PFKFB2: variants seen among roughly 807,000 people sequenced by gnomAD.
PFKFB2 encodes the protein 6-phosphofructo-2-kinase/fructose-2,6-bisphosphatase 2.
A neutral mutation model predicts 68.0 loss-of-function variants in PFKFB2; 53 were observed. The observed-to-expected ratio is 0.78, with a 90% CI of 0.63 to 0.98. The LOEUF is 0.98. PFKFB2 is among the 50% of genes least tolerant of loss of function. PFKFB2 has a pLI of 0.00. For synonymous variants in PFKFB2, 222 were observed against 227.6 expected, an observed-to-expected ratio of 0.98 and a Z score of 0.22; for missense variants, 451 against 642.0, an observed-to-expected ratio of 0.70 and a Z score of 3.22.
rs1360914842 is a variant in PFKFB2 at position 207,068,195 on chromosome 1, A to T, written c.873A>T (p.Glu291Asp). 1.9e-6 allele frequency: 3 copies of T among 1,610,670 alleles called. No individual in the cohort carries two copies. Among genetic ancestry groups the T allele is most frequent in the African/African-American group, 1.3e-5 (1 of 74,508 alleles). The stretch of plus-strand genomic sequence containing the variant: ...AAGCTCTAAGGAAATTTCTGGAGGA[A>T]CAGGAAATAACAGACCTCAAAGTGT... ...FAQALRKFLEEQEITDLKVWT... is the reference protein window; with the variant it reads ...FAQALRKFLEDQEITDLKVWT... The change falls in exon 10 of 15, where the codon GAA (glutamate) becomes GAT (aspartate). Residue 291 changes from glutamate (E) to aspartate (D), a missense_variant. By Grantham distance (45) the Glu-to-Asp change is conservative (BLOSUM62 2). Coordinates refer to ENST00000367080, the MANE Select transcript of PFKFB2 (RefSeq NM_006212.2).
intron 1 of PFKFB2, among the ~76,000 whole-genome samples, chr1:207,041,392 C>T (rs1682478472): frequency 6.6e-6 from 1 of 152,056 alleles, no homozygotes; most frequent in African/African-American, 2.4e-5. Context: ...TTACACCCCA[C>T]CCCACTGACA....
In PFKFB2 at chr1:207,034,564, GAC is replaced by G. The variant is rs1280762865; in HGVS notation, c.-62+96_-62+97del. ...TAGGCAACAGTCTTATTTGTGAACA[GAC>G]ACAGTTTTTCAGTTATAATAAAATT... On this transcript the variant is annotated intron_variant, in intron 1 of 5. Coordinates refer to the PFKFB2 transcript ENST00000545806. The G allele has an allele frequency of 2.0e-5, 3 of 152,202 alleles. No individual in the cohort carries two copies. In the East Asian group the frequency reaches 5.8e-4, roughly 29 times the overall value. The allele number at this position is 152,202 out of a possible 1,614,324, so 9.4% of individuals were successfully genotyped here.
chr1:207,064,189 G>C (rs1683213574), intron 7 of PFKFB2, among the ~76,000 whole-genome samples: 1 of 152,102 alleles, frequency 6.6e-6, no homozygotes, highest in Non-Finnish European at 1.5e-5. Flanking sequence ...GCTCATGCTT[G>C]TAGGCTCAGC....
intron 2 of PFKFB2, among the ~76,000 whole-genome samples, chr1:207,042,549 C>CAAAAAAAAAAAAAAAAAAAAAAAAAAA (rs57077682): frequency 1.3e-4 from 6 of 44,714 alleles, no homozygotes; most frequent in Admixed American, 3.0e-4. Context: ...CTCTGTCTCA[C>CAAAAAAAAAAAAAAAAAAAAAAAAAAA]AAAAAAAAAA....
At chr1:207,061,165 T>TTTTATATA (rs1398113062) in intron 2 of PFKFB2, among the ~76,000 whole-genome samples, 2 of 45,184 alleles carry the variant, frequency 4.4e-5, no homozygotes, top group Non-Finnish European at 8.3e-5. Context: ...ATATATATCT[T>TTTTATATA]TATATATATA....
rs1683442671 is a variant in PFKFB2 at position 207,070,796 on chromosome 1, T to C, written c.1222+387T>C. On this transcript the variant is annotated intron_variant, in intron 12 of 14. Coordinates refer to ENST00000367080, the MANE Select transcript of PFKFB2 (RefSeq NM_006212.2). The surrounding 1 kb of genome is among the most constrained non-coding windows in gnomAD (Gnocchi z 4.2). ...GCAGTAAGAAGGTGCCGTTGCCTTC[T>C]TCCATACTTCGCTTCCCGATCTTCG... The C allele has an allele frequency of 3.6e-6, 1 of 279,506 alleles. No homozygotes were observed. The highest frequency in any genetic ancestry group is 4.1e-5 in the South Asian group (1 of 24,346). 17.3% of individuals were successfully genotyped at this position (279,506 alleles called of 1,614,324 possible). A position where few individuals can be genotyped will look rare whatever the true frequency, so the allele number is the denominator to read the frequency against.
At chr1:207,045,146 G>A (rs1682568118) in intron 2 of PFKFB2, 1 of 152,358 alleles carries the variant, frequency 6.6e-6, no homozygotes, top group African/African-American at 2.4e-5. Context: ...TAAGGCCTCT[G>A]ACTCAAAAAT....
chr1:207,066,815 G>A (rs143803309), intron 8 of PFKFB2, among the ~76,000 whole-genome samples: 2,176 of 151,996 alleles, frequency 0.014, 44 homozygotes, highest in African/African-American at 0.05. Flanking sequence ...CACCACGCCC[G>A]GCTAATTTTT....
At chr1:207,071,595 A>G (rs1683467215) in intron 14 of PFKFB2, 22 bp downstream of exon 14, 1 of 1,584,578 alleles carries the variant, frequency 6.3e-7, no homozygotes, top group Non-Finnish European at 8.7e-7. Flanking sequence ...CCCACGATGA[A>G]CACACCAGTT....
upstream of PFKFB2, chr1:207,049,610 C>T: frequency 3.7e-6 from 6 of 1,614,182 alleles, no homozygotes; most frequent in Non-Finnish European, 3.4e-6. Context: ...GCTGGGACCA[C>T]GGTTCTGGTA....
At chr1:207,052,422 G>C (rs940668910), upstream of PFKFB2, 2 of 516,642 alleles carry the variant, frequency 3.9e-6, no homozygotes, top group African/African-American at 3.9e-5. Context: ...AGCACTTTGG[G>C]AGGCCGAGGC....
upstream of PFKFB2, chr1:207,048,889 A>G (rs1436899693): frequency 1.2e-6 from 1 of 810,404 alleles, no homozygotes; most frequent in Non-Finnish European, 2.0e-6. Context: ...TCAGTGTCTT[A>G]GTGGTTTTAA....
chr1:207,038,534 C>T (rs189953197), intron 1 of PFKFB2, among the ~76,000 whole-genome samples: 177 of 152,278 alleles, frequency 1.2e-3, no homozygotes, highest in Middle Eastern at 6.8e-3. Context: ...ATGCTGTACC[C>T]TCTATTTGAA....
intron 1 of PFKFB2, among the ~76,000 whole-genome samples, chr1:207,038,154 T>C (rs984133207): frequency 3.9e-5 from 6 of 152,240 alleles, no homozygotes; most frequent in Non-Finnish European, 1.5e-5. Flanking sequence ...AGGATAACTT[T>C]ATTCCTTTAC....
At chr1:207,067,136 A>T (rs1289116767) in intron 8 of PFKFB2, among the ~76,000 whole-genome samples, 1 of 152,172 alleles carries the variant, frequency 6.6e-6, no homozygotes, top group Non-Finnish European at 1.5e-5. Flanking sequence ...CCAGGTCTTA[A>T]CTGCCTCAAA....
At position 207,070,453 on chromosome 1, in the gene PFKFB2, G is replaced by A. The variant is rs781437930; in HGVS notation, c.1222+44G>A. ...CTGGGAGACACATCCAGTGGGAGAGGGCTGGACTTGCAGTGGCACCAGGAT... is the reference window on the plus strand; with the variant it reads ...CTGGGAGACACATCCAGTGGGAGAGAGCTGGACTTGCAGTGGCACCAGGAT... On this transcript the variant is annotated intron_variant, in intron 12 of 14. Transcript: ENST00000367080. This position sits in a 1 kb window ranked among gnomAD's most constrained non-coding sequence, Gnocchi z 4.2. 6.3e-7 allele frequency: 1 copy of A among 1,598,424 alleles called. No homozygotes were observed. The highest frequency in any genetic ancestry group is 1.7e-5 in the Admixed American group (1 of 58,766).
At chr1:207,059,700 C>T (rs1266811666) in intron 2 of PFKFB2, among the ~76,000 whole-genome samples, 8 of 152,154 alleles carry the variant, frequency 5.3e-5, no homozygotes, top group Non-Finnish European at 1.0e-4. Flanking sequence ...TCTCCCTCCT[C>T]ACCACTAGGG....
upstream of PFKFB2, chr1:207,048,691 T>G (rs113202550): frequency 1.2e-5 from 3 of 241,456 alleles, no homozygotes; most frequent in African/African-American, 2.3e-5. Context: ...ATGTGATGCT[T>G]TCTTCTACAA....
intron 8 of PFKFB2, among the ~76,000 whole-genome samples, chr1:207,066,535 A>G (rs1683292860): frequency 2.6e-5 from 4 of 152,228 alleles, no homozygotes; most frequent in Admixed American, 2.6e-4. Context: ...AAAAACATAC[A>G]GAAGATCTAC....
Sources: gnomAD v4.1 joint callset for allele counts (sites outside exome capture counted in the v4.1 genomes callset) on GRCh38, gnomAD v4.1.1 for gene constraint, Gnocchi (gnomAD v3.1) non-coding constraint, MANE v1.5 for transcripts, NCBI Gene and HGNC (gene_info 2026-07-23, HGNC 2026-07-21) for gene names.